DLG2: variants seen among roughly 807,000 people sequenced by gnomAD.
DLG2 encodes the protein disks large homolog 2.
Under a neutral mutation model 132.5 loss-of-function variants are expected in DLG2, and 45 were observed. The observed-to-expected ratio is 0.34, with a 90% CI of 0.27 to 0.44. The LOEUF is 0.44. Ranked by LOEUF, DLG2 falls within the 20% of genes least tolerant of loss-of-function variation. The probability of loss-of-function intolerance (pLI) is 1.00; values close to 1 mark genes in which losing one functional copy is unlikely to be tolerated. For synonymous variants in DLG2, 424 were observed against 419.6 expected (o/e 1.01, Z -0.13); for missense variants, 1,045 against 1,196.9 (o/e 0.87, Z 1.87).
chr11:84,524,245 T>C (rs1282327751), intron 7 of DLG2, among the ~76,000 whole-genome samples: 3 of 152,226 alleles, frequency 2.0e-5, no homozygotes, highest in Non-Finnish European at 2.9e-5. Context: ...TTGATGACTT[T>C]GGTTCTAAAA....
chr11:84,705,206 T>C (rs192224780), intron 6 of DLG2, among the ~76,000 whole-genome samples: 3 of 151,728 alleles, frequency 2.0e-5, no homozygotes, highest in African/African-American at 7.2e-5. Context: ...TCTAACGTAG[T>C]TGGGATGGAG....
intron 18 of DLG2, among the ~76,000 whole-genome samples, chr11:83,781,256 T>G (rs1379251883): frequency 6.6e-6 from 1 of 152,222 alleles, no homozygotes; most frequent in Admixed American, 6.5e-5. Flanking sequence ...TCCTGCTGCT[T>G]CTTTCTTTAT....
intron 4 of DLG2, among the ~76,000 whole-genome samples, chr11:85,253,504 G>A (rs528705053): frequency 9.6e-4 from 146 of 152,248 alleles, no homozygotes; most frequent in Admixed American, 5.6e-3. Flanking sequence ...GAGCCAGGGT[G>A]AGTGCTTTTG....
At chr11:85,098,665 AT>A (rs1225788144) in intron 6 of DLG2, among the ~76,000 whole-genome samples, 1 of 152,210 alleles carries the variant, frequency 6.6e-6, no homozygotes, top group Non-Finnish European at 1.5e-5. Context: ...GAGAGGATAT[AT>A]TTAAATGTGA....
intron 3 of DLG2, among the ~76,000 whole-genome samples, chr11:85,334,938 T>A (rs562392102): frequency 2.6e-5 from 4 of 152,170 alleles, no homozygotes; most frequent in Non-Finnish European, 5.9e-5. Context: ...GTCCGTTAGG[T>A]CCTCTGGTCA....
chr11:84,242,118 A>C (rs1240935239), intron 8 of DLG2, among the ~76,000 whole-genome samples: 1 of 152,186 alleles, frequency 6.6e-6, no homozygotes, highest in Non-Finnish European at 1.5e-5. Flanking sequence ...CCCTCTAAGA[A>C]AGACGGGCCA....
chr11:83,505,440 C>T (rs763449019), intron 21 of DLG2, among the ~76,000 whole-genome samples: 1 of 152,178 alleles, frequency 6.6e-6, no homozygotes, highest in African/African-American at 2.4e-5. Context: ...GGGAAAAAGA[C>T]TGAGTGGCGT....
In DLG2 at chr11:83,724,474, T is replaced by TGAGAGAGAGA. The variant is rs780541498; in HGVS notation, c.1825+62215_1825+62216insTCTCTCTCTC. On this transcript the variant is annotated intron_variant, in intron 18 of 27. Transcript: ENST00000376104. ...CTCTCTCTCCGTGTGTGTGTGTGTG[T>TGAGAGAGAGA]GTGAGAGAGAGAGAGAGAGAGAGAG... Among the ~76,000 whole-genome samples, 943 of 103,268 alleles carry TGAGAGAGAGA rather than the reference T, an allele frequency of 9.1e-3. 5 individuals are homozygous for TGAGAGAGAGA. The highest frequency in any genetic ancestry group is 0.015 in the South Asian group (39 of 2,610). 67.7% of individuals were successfully genotyped at this position (103,268 alleles called of 152,430 possible).
At chr11:83,570,688 A>G (rs908533736) in intron 19 of DLG2, among the ~76,000 whole-genome samples, 1 of 152,154 alleles carries the variant, frequency 6.6e-6, no homozygotes, top group Non-Finnish European at 1.5e-5. Context: ...ATACATGAAG[A>G]CAACCAGAGG....
intron 6 of DLG2, among the ~76,000 whole-genome samples, chr11:84,941,040 T>C (rs1045749212): frequency 6.6e-6 from 1 of 152,198 alleles, no homozygotes; most frequent in African/African-American, 2.4e-5. Context: ...TCACTGTAGG[T>C]ATACAAATTT....
Position 85,483,585 on chromosome 11 carries a change from C to T in DLG2, c.40+115072G>A, listed in dbSNP as rs188643723. Among the ~76,000 whole-genome samples, 23 of 152,250 alleles carry T rather than the reference C, an allele frequency of 1.5e-4. No homozygotes were observed. In the East Asian group the frequency reaches 3.3e-3, roughly 22 times the overall value. On this transcript the variant is annotated intron_variant, in intron 3 of 27. Transcript: ENST00000376104. Reference sequence around the variant, plus strand: ...AAAGCAGACAATCAAATCCAGAATACTCTAACTGCAATGGTGATATGTAAA... The same window carrying T: ...AAAGCAGACAATCAAATCCAGAATATTCTAACTGCAATGGTGATATGTAAA...
chr11:83,971,335 C>T (rs951360968), intron 12 of DLG2, among the ~76,000 whole-genome samples: 3 of 152,012 alleles, frequency 2.0e-5, no homozygotes, highest in Non-Finnish European at 4.4e-5. Flanking sequence ...TGAGATGACT[C>T]ATTCTCTCAA....
At chr11:83,620,732 T>C (rs2061489708) in intron 19 of DLG2, among the ~76,000 whole-genome samples, 1 of 149,970 alleles carries the variant, frequency 6.7e-6, no homozygotes, top group Non-Finnish European at 1.5e-5. Flanking sequence ...TAGCCGGGCG[T>C]AGTGGCGGGC....
intron 11 of DLG2, among the ~76,000 whole-genome samples, chr11:84,045,719 T>C (rs2096228190): frequency 6.6e-6 from 1 of 151,532 alleles, no homozygotes; most frequent in Non-Finnish European, 1.5e-5. Flanking sequence ...TTATAGAAAT[T>C]TGTAGAGAAA....
At chr11:85,484,180 G>C (rs998560717) in intron 3 of DLG2, among the ~76,000 whole-genome samples, 1 of 138,770 alleles carries the variant, frequency 7.2e-6, no homozygotes, top group African/African-American at 2.7e-5. Context: ...GATTCAACCC[G>C]GTGGCGGATC....
chr11:84,700,231 A>G (rs1181227128), intron 6 of DLG2, among the ~76,000 whole-genome samples: 1 of 151,652 alleles, frequency 6.6e-6, no homozygotes, highest in African/African-American at 2.4e-5. Flanking sequence ...TTATAGCATC[A>G]AGAGAAAATA....
intron 6 of DLG2, among the ~76,000 whole-genome samples, chr11:84,826,709 G>T (rs1054353036): frequency 1.1e-4 from 16 of 151,580 alleles, no homozygotes; most frequent in African/African-American, 3.9e-4. Flanking sequence ...TTGCATAGAG[G>T]GCACACTGGC....
chr11:84,883,595 A>T (rs930576066), intron 6 of DLG2, among the ~76,000 whole-genome samples: 55 of 152,144 alleles, frequency 3.6e-4, no homozygotes. Context: ...CTAATTACTG[A>T]CAATATCCCT....
intron 3 of DLG2, among the ~76,000 whole-genome samples, chr11:85,330,792 T>TAA (rs56995757): frequency 1.7e-4 from 20 of 116,454 alleles, no homozygotes; most frequent in African/African-American, 3.7e-4. Flanking sequence ...AAAAAAAAAT[T>TAA]AAAAAAAAAA....
Sources: gnomAD v4.1 joint callset for allele counts (sites outside exome capture counted in the v4.1 genomes callset) on GRCh38, gnomAD v4.1.1 for gene constraint, MANE v1.5 for transcripts, NCBI Gene and HGNC (gene_info 2026-07-23, HGNC 2026-07-21) for gene names.